TBC1D32: variants seen among roughly 807,000 people sequenced by gnomAD.
TBC1D32 encodes protein broad-minded.
TBC1D32 carries 151 observed loss-of-function variants against 170.3 expected under a neutral mutation model. The ratio of observed to expected loss-of-function variants is 0.89; its 90% CI spans 0.78 to 1.01. TBC1D32 has a LOEUF of 1.01. Ranked by LOEUF, TBC1D32 falls within the 50% of genes least tolerant of loss-of-function variation. The pLI, the probability that TBC1D32 is intolerant of heterozygous loss-of-function variation, is 0.00. For synonymous variants in TBC1D32, 498 were observed against 488.0 expected (o/e 1.02, Z -0.27); for missense variants, 1,464 against 1,457.1 (o/e 1.00, Z -0.08).
Position 121,303,675 on chromosome 6 carries a change from T to A in TBC1D32, c.1022A>T (p.Asp341Val). ...AACTAATGCAAAAAAGTAGATCGGATCCAAAATCTTTTGTGAGACAACATG... is the reference window on the plus strand; with the variant it reads ...AACTAATGCAAAAAAGTAGATCGGAACCAAAATCTTTTGTGAGACAACATG... ...QSHVVSQKILDPIYFFALVDT... is the reference protein window; with the variant it reads ...QSHVVSQKILVPIYFFALVDT... Residue 341 changes from aspartate (D) to valine (V), a missense_variant, in exon 9 of 32, where the codon GAT becomes GTT. By Grantham distance (152) the Asp-to-Val change is radical. This residue lies in a region of TBC1D32 where 1,363 missense variants were observed against 1,338.1 expected (regional missense o/e 1.02). Transcript: ENST00000398212. 1.3e-6 allele frequency: 2 copies of A among 1,599,276 alleles called. No individual in the cohort carries two copies. The highest frequency in any genetic ancestry group is 4.5e-5 in the East Asian group (2 of 44,646).
At chr6:121,201,786 CCA>C (rs1421701664) in intron 22 of TBC1D32, among the ~76,000 whole-genome samples, 1 of 150,770 alleles carries the variant, frequency 6.6e-6, no homozygotes, top group African/African-American at 2.5e-5. Context: ...GAATGATTTT[CCA>C]CAGTGTTAAT....
chr6:121,226,524 T>C (rs1795090202), intron 20 of TBC1D32, among the ~76,000 whole-genome samples: 1 of 152,124 alleles, frequency 6.6e-6, no homozygotes, highest in Admixed American at 6.6e-5. Flanking sequence ...AAAATGGTTT[T>C]GGAGGGCAGA....
rs565505956 is a variant in TBC1D32 at position 121,129,471 on chromosome 6, T to C, written c.2899+2156A>G. 4.6e-5 allele frequency among the ~76,000 whole-genome samples: 7 copies of C among 152,308 alleles called. No individual in the cohort carries two copies. The East Asian group carries it at 1.2e-3, about 25-fold the overall frequency. ...TAAGTTGAAAAGCATCTGTATAATA[T>C]TGTACTGAGTGAAATGTCCAATGAA... On this transcript the variant is annotated intron_variant, in intron 25 of 31. Transcript: ENST00000398212.
At chr6:121,204,700 G>A (rs1383720801) in intron 22 of TBC1D32, among the ~76,000 whole-genome samples, 1 of 151,234 alleles carries the variant, frequency 6.6e-6, no homozygotes, top group East Asian at 1.9e-4. Context: ...CAAAACTTGG[G>A]CCTCAGGATA....
intron 15 of TBC1D32, among the ~76,000 whole-genome samples, chr6:121,259,093 T>C (rs939649422): frequency 1.3e-5 from 2 of 151,712 alleles, no homozygotes; most frequent in African/African-American, 2.4e-5. Flanking sequence ...AGGTCAGGAG[T>C]TCGAGACCAG....
rs1284174599 is a variant in TBC1D32 at position 121,275,260 on chromosome 6, C to G, written c.1733+3861G>C. On this transcript the variant is annotated intron_variant, in intron 15 of 31. Coordinates refer to ENST00000398212, the MANE Select transcript of TBC1D32 (RefSeq NM_152730.6). ...GCTAAAAGAAATTATATGCACATTA[C>G]TTGATAATATAAACACTAAAGAAAA... is the stretch of plus-strand genomic sequence containing the variant. Among the ~76,000 whole-genome samples the G allele has an allele frequency of 5.9e-5, 9 of 152,284 alleles. No homozygotes were observed. In the East Asian group the frequency reaches 1.7e-3, roughly 29 times the overall value.
At chr6:121,099,485 A>T (rs1292805714) in intron 30 of TBC1D32, among the ~76,000 whole-genome samples, 2 of 151,816 alleles carry the variant, frequency 1.3e-5, no homozygotes, top group Non-Finnish European at 2.9e-5. Context: ...TACTTTAGAG[A>T]TCTGTGTATT....
At chr6:121,168,893 A>G (rs1237811573) in intron 22 of TBC1D32, among the ~76,000 whole-genome samples, 1 of 152,086 alleles carries the variant, frequency 6.6e-6, no homozygotes, top group East Asian at 1.9e-4. Flanking sequence ...GGTGAACTAC[A>G]AGCCACTGCT....
At chr6:121,213,288 T>C (rs544396224) in intron 21 of TBC1D32, among the ~76,000 whole-genome samples, 5 of 152,038 alleles carry the variant, frequency 3.3e-5, no homozygotes, top group African/African-American at 1.2e-4. Context: ...CATGATTCTA[T>C]ATCTAGAGAA....
intron 25 of TBC1D32, among the ~76,000 whole-genome samples, chr6:121,130,530 T>C (rs541640704): frequency 6.6e-6 from 1 of 152,208 alleles, no homozygotes; most frequent in South Asian, 2.1e-4. Context: ...TTGTGGAAAG[T>C]GCCCTAAGAT....
chr6:121,159,375 C>T (rs1397874838), intron 24 of TBC1D32, among the ~76,000 whole-genome samples: 2 of 152,064 alleles, frequency 1.3e-5, no homozygotes, highest in Non-Finnish European at 2.9e-5. Flanking sequence ...TGATACATAC[C>T]TAGAATTAAT....
At position 121,304,784 on chromosome 6, in the gene TBC1D32, T is replaced by G; in HGVS notation, c.740A>C (p.His247Pro). The part of the protein sequence containing the change: ...CAQTFLLSPL[H>P]MTKEIYTSLA... ...GCTTGTATAAATTTCCTTGGTCATA[T>G]GTAATGGAGAAAGCAAAAATGTCTG... The change falls in exon 6 of 32, where the codon CAT becomes CCT. Residue 247 changes from histidine to proline, a missense_variant. Around this residue, in one of 3 missense-constraint regions of TBC1D32, gnomAD observed 1,363 missense variants for 1,338.1 expected, o/e 1.02. Transcript: ENST00000398212. 1 of 1,608,830 alleles carries G rather than the reference T, an allele frequency of 6.2e-7. No homozygotes were observed. Among genetic ancestry groups the G allele is most frequent in the Non-Finnish European group, 8.5e-7 (1 of 1,178,222 alleles).
intron 17 of TBC1D32, among the ~76,000 whole-genome samples, chr6:121,247,527 G>A (rs1221995265): frequency 6.6e-6 from 1 of 151,556 alleles, no homozygotes; most frequent in African/African-American, 2.4e-5. Flanking sequence ...AAACAGAGTA[G>A]GAGAATGGAT....
intron 14 of TBC1D32, among the ~76,000 whole-genome samples, chr6:121,279,617 T>C (rs2029945437): frequency 2.6e-5 from 4 of 151,946 alleles, no homozygotes; most frequent in Admixed American, 2.6e-4. Flanking sequence ...ACATTATATA[T>C]GGTATCTAAC....
chr6:121,259,784 T>C (rs59945135), intron 15 of TBC1D32, among the ~76,000 whole-genome samples: 4,992 of 152,292 alleles, frequency 0.033, 193 homozygotes, highest in East Asian at 0.12. Flanking sequence ...CAAATATCTC[T>C]AAATTGGGGG....
At chr6:121,259,191 TG>T (rs1799444022) in intron 15 of TBC1D32, among the ~76,000 whole-genome samples, 1 of 151,742 alleles carries the variant, frequency 6.6e-6, no homozygotes, top group African/African-American at 2.4e-5. Flanking sequence ...TCAGCTACTC[TG>T]GAGGCTGAGG....
chr6:121,219,926 A>G (rs571390601), intron 21 of TBC1D32, among the ~76,000 whole-genome samples: 2 of 152,270 alleles, frequency 1.3e-5, no homozygotes, highest in South Asian at 2.1e-4. Flanking sequence ...TACTATTTTA[A>G]TTATTTTGGG....
intron 1 of TBC1D32, among the ~76,000 whole-genome samples, chr6:121,330,862 A>G (rs968418711): frequency 5.3e-5 from 8 of 152,158 alleles, no homozygotes; most frequent in Admixed American, 5.2e-4. Flanking sequence ...CACATAATGA[A>G]AGCAACGTAC....
intron 15 of TBC1D32, among the ~76,000 whole-genome samples, chr6:121,259,967 A>T (rs373507211): frequency 2.5e-4 from 38 of 152,254 alleles, no homozygotes; most frequent in African/African-American, 8.9e-4. Flanking sequence ...CGAAGTTTAT[A>T]TACTAACACT....
Sources: gnomAD v4.1 joint callset for allele counts (sites outside exome capture counted in the v4.1 genomes callset) on GRCh38, gnomAD v4.1.1 for gene constraint, gnomAD v4.1.1 regional missense constraint, MANE v1.5 for transcripts, NCBI Gene and HGNC (gene_info 2026-07-23, HGNC 2026-07-21) for gene names.